SNW1: variants seen among roughly 807,000 people sequenced by gnomAD.
SNW1 encodes SNW domain containing 1, also known as SNW domain-containing protein 1.
Under a neutral mutation model 75.6 loss-of-function variants are expected in SNW1, and 9 were observed. That is an observed-to-expected ratio of 0.12 (90% CI 0.07 to 0.21). The LOEUF (loss-of-function observed/expected upper bound fraction) is 0.21, where lower values mean the gene tolerates loss of function less well. Ranked by LOEUF, SNW1 falls within the 10% of genes least tolerant of loss-of-function variation. The probability of loss-of-function intolerance (pLI) is 1.00; values close to 1 mark genes in which losing one functional copy is unlikely to be tolerated. For missense variants in SNW1, 409 were observed against 670.9 expected (o/e 0.61, Z 4.31); for synonymous variants, 200 against 219.1 (o/e 0.91, Z 0.77).
chr14:77,742,288 G>A (rs1448119121), intron 3 of SNW1, among the ~76,000 whole-genome samples: 3 of 152,054 alleles, frequency 2.0e-5, no homozygotes, highest in South Asian at 4.2e-4. Context: ...CACCCGCCTC[G>A]GCCTCCCAAA....
chr14:77,737,798 CT>C (rs2080684713), intron 5 of SNW1, among the ~76,000 whole-genome samples: 1 of 151,716 alleles, frequency 6.6e-6, no homozygotes, highest in Non-Finnish European at 1.5e-5. Flanking sequence ...TGAGACCAGC[CT>C]TGGCCAACGT....
rs757672244 is a variant in SNW1, at chr14:77,755,118, A to G, written c.17T>C (p.Phe6Ser). The G allele has an allele frequency of 6.2e-7, 1 of 1,610,522 alleles. No individual in the cohort carries two copies. Among genetic ancestry groups the G allele is most frequent in the Admixed American group, 1.7e-5 (1 of 59,164 alleles). MALTS[F>S]LPAPTQLSQD... is the part of the protein sequence containing the mutation. ...AGATAGCTGAGTAGGTGCAGGTAAA[A>G]AGCTATAAGCAAAGATAATAAAAGT... The change falls in exon 2 of 14, where the codon TTT becomes TCT. Residue 6 changes from phenylalanine (F) to serine (S), a missense_variant and splice_region_variant. Phe to Ser is a radical substitution (Grantham distance 155). Around this residue, in one of 9 missense-constraint regions of SNW1, gnomAD observed 73 missense variants for 68.3 expected, o/e 1.07. Transcript: ENST00000261531.
intron 11 of SNW1, among the ~76,000 whole-genome samples, chr14:77,721,710 A>G (rs947735971): frequency 4.6e-5 from 7 of 152,148 alleles, no homozygotes; most frequent in African/African-American, 1.7e-4. Context: ...AATTAATACC[A>G]GCAGGAATCT....
intron 3 of SNW1, among the ~76,000 whole-genome samples, chr14:77,745,985 C>T (rs1461347282): frequency 6.6e-6 from 1 of 152,218 alleles, no homozygotes; most frequent in Non-Finnish European, 1.5e-5. Flanking sequence ...TATTGTGCCA[C>T]TGCACTCCAG....
chr14:77,745,273 T>C (rs2080752469), intron 3 of SNW1, among the ~76,000 whole-genome samples: 1 of 151,912 alleles, frequency 6.6e-6, no homozygotes, highest in African/African-American at 2.4e-5. Context: ...TGGAAAGCAA[T>C]AGAATTAAGT....
chr14:77,754,464 T>C (rs1361293813), intron 2 of SNW1, among the ~76,000 whole-genome samples: 3 of 152,170 alleles, frequency 2.0e-5, no homozygotes, highest in African/African-American at 7.2e-5. Flanking sequence ...ATATTTAATC[T>C]ATATATCAGA....
At chr14:77,740,651 G>C (rs1006289130) in intron 3 of SNW1, among the ~76,000 whole-genome samples, 1 of 152,082 alleles carries the variant, frequency 6.6e-6, no homozygotes, top group Non-Finnish European at 1.5e-5. Context: ...TCAGATCAAA[G>C]GTCCTCCATT....
chr14:77,732,364 C>A, intron 9 of SNW1, 121 bp downstream of exon 9: 1 of 677,082 alleles, frequency 1.5e-6, no homozygotes, highest in Non-Finnish European at 2.6e-6. Context: ...TTCTGACACA[C>A]GTACCATGGG....
Position 77,736,260 on chromosome 14 carries a change from G to C in SNW1, c.639-254C>G, listed in dbSNP as rs373349990. On this transcript the variant is annotated intron_variant, in intron 6 of 13. Transcript: ENST00000261531. ...ATACTTTTTTCCACTTTAAAAAGCA[G>C]CTTTAGGTCGGGTGCAGTGGCTCAT... Among the ~76,000 whole-genome samples the C allele has an allele frequency of 2.4e-4, 36 of 152,204 alleles. No individual in the cohort carries two copies. In the East Asian group the frequency reaches 6.4e-3, roughly 27 times the overall value.
intron 1 of SNW1, among the ~76,000 whole-genome samples, chr14:77,756,803 C>T (rs575741390): frequency 2.0e-5 from 3 of 152,222 alleles, no homozygotes; most frequent in South Asian, 2.1e-4. Flanking sequence ...CACTTGAATC[C>T]GGTAGGTGGA....
chr14:77,751,360 T>C lies in SNW1; in HGVS notation c.289A>G (p.Lys97Glu). The change falls in exon 3 of 14, where the codon AAA becomes GAA. Residue 97 changes from lysine to glutamate, a missense_variant. By Grantham distance (56) the Lys-to-Glu change is moderately conservative (BLOSUM62 1). Around this residue, in one of 9 missense-constraint regions of SNW1, gnomAD observed 60 missense variants for 62.6 expected, o/e 0.96. Coordinates refer to ENST00000261531, the MANE Select transcript of SNW1 (RefSeq NM_012245.3). ...AIQVDSEGKI[K>E]YDAIARQGQS... is the part of the protein sequence containing the mutation. ...CCTTGTCGAGCAATTGCATCATATT[T>C]AATTTTTCCTTCAGAATCCACCTGA... 6.2e-7 allele frequency: 1 copy of C among 1,613,946 alleles called. No individual in the cohort carries two copies. The highest frequency in any genetic ancestry group is 8.5e-7 in the Non-Finnish European group (1 of 1,179,922).
intron 2 of SNW1, 84 bp from the exon 3 acceptor site, chr14:77,751,564 G>GAATGA: frequency 8.9e-7 from 1 of 1,123,682 alleles, no homozygotes; most frequent in Non-Finnish European, 1.2e-6. Flanking sequence ...AGTAATTGTT[G>GAATGA]AGTCCTTAGT....
At chr14:77,747,369 A>T (rs1456333231) in intron 3 of SNW1, among the ~76,000 whole-genome samples, 2 of 137,550 alleles carry the variant, frequency 1.5e-5, no homozygotes, top group Non-Finnish European at 3.2e-5. Context: ...CGTCTCTGCC[A>T]GGCCGCCCAT....
chr14:77,725,991 T>C (rs1469524005), intron 10 of SNW1, among the ~76,000 whole-genome samples: 2 of 152,126 alleles, frequency 1.3e-5, no homozygotes, highest in African/African-American at 4.8e-5. Context: ...CACTGGTCTA[T>C]GTGTCTGTTT....
chr14:77,755,831 T>C (rs1384587385), intron 1 of SNW1, among the ~76,000 whole-genome samples: 4 of 151,890 alleles, frequency 2.6e-5, no homozygotes, highest in Non-Finnish European at 5.9e-5. Flanking sequence ...CTCCACCTCC[T>C]GGGTTCAAGT....
intron 10 of SNW1, among the ~76,000 whole-genome samples, chr14:77,725,001 C>T (rs753385813): frequency 6.6e-5 from 10 of 152,122 alleles, no homozygotes; most frequent in South Asian, 4.1e-4. Flanking sequence ...TCTGTATCCT[C>T]GCCAGCATCT....
chr14:77,717,662 T>C lies in SNW1; in HGVS notation c.*426A>G. ...CCAAGCAAGAGGTTACTTTGCCCAC[T>C]CCAAATTAAAACAGAGCACAATAGG... is the stretch of plus-strand genomic sequence containing the variant. On this transcript the variant is annotated 3_prime_UTR_variant, in exon 14 of 14. Coordinates refer to ENST00000261531, the MANE Select transcript of SNW1 (RefSeq NM_012245.3). 8.2e-7 allele frequency: 1 copy of C among 1,216,150 alleles called. No individual in the cohort carries two copies. Among genetic ancestry groups the C allele is most frequent in the Non-Finnish European group, 1.2e-6 (1 of 850,688 alleles). 75.3% of individuals were successfully genotyped at this position (1,216,150 alleles called of 1,614,324 possible). A position where few individuals can be genotyped will look rare whatever the true frequency, so the allele number is the denominator to read the frequency against.
At chr14:77,751,805 GACACACAC>G (rs61135876) in intron 2 of SNW1, among the ~76,000 whole-genome samples, 405 of 139,546 alleles carry the variant, frequency 2.9e-3, no homozygotes, top group South Asian at 0.014. Flanking sequence ...GTCATGGGAA[GACACACAC>G]ACACACACAC....
At position 77,759,405 on chromosome 14, in the gene SNW1, T is replaced by G. The variant is rs150200779; in HGVS notation, c.14+1709A>C. Among the ~76,000 whole-genome samples, 93 of 152,160 alleles carry G rather than the reference T, an allele frequency of 6.1e-4. 4 individuals are homozygous for G. Among genetic ancestry groups the G allele is most frequent in the Middle Eastern group, 3.4e-3 (1 of 294 alleles). ...CAAGCGTCTAGAGTCCCAGCTACTC[T>G]AGGGCGCTGAGGCAGGAGGATCACC... On this transcript the variant is annotated intron_variant, in intron 1 of 13. Coordinates refer to ENST00000261531, the MANE Select transcript of SNW1 (RefSeq NM_012245.3).
Sources: allele counts gnomAD v4.1 joint callset (sites outside exome capture counted in the v4.1 genomes callset), GRCh38; gene constraint gnomAD v4.1.1; regional missense constraint gnomAD v4.1.1; transcripts MANE v1.5; gene names NCBI Gene and HGNC (gene_info 2026-07-23, HGNC 2026-07-21).